The following CADPS variants were observed in gnomAD, a reference collection of about 807,000 sequenced individuals.
CADPS encodes the protein calcium-dependent secretion activator 1.
In CADPS, 57 loss-of-function variants were observed where a neutral mutation model predicts 167.3. The observed-to-expected ratio is 0.34, with a 90% confidence interval of 0.28 to 0.42. The LOEUF (loss-of-function observed/expected upper bound fraction) is 0.42. Ranked by LOEUF, CADPS falls within the 20% of genes least tolerant of loss-of-function variation. CADPS has a pLI of 1.00. For synonymous variants in CADPS, 676 were observed against 635.3 expected, an observed-to-expected ratio of 1.06 and a Z score of -0.96; for missense variants, 1,414 against 1,738.1, an observed-to-expected ratio of 0.81 and a Z score of 3.32.
chr3:62,789,860 A>T (rs1559630567), intron 1 of CADPS, among the ~76,000 whole-genome samples: 1 of 152,174 alleles, frequency 6.6e-6, no homozygotes, highest in Non-Finnish European at 1.5e-5. Flanking sequence ...CCAAGCCCTT[A>T]ACATAGTTTT....
intron 1 of CADPS, among the ~76,000 whole-genome samples, chr3:62,780,235 G>A (rs986450036): frequency 3.3e-5 from 5 of 151,982 alleles, no homozygotes; most frequent in Non-Finnish European, 7.4e-5. Flanking sequence ...GGGCAACATA[G>A]CAAGATCCCA....
intron 1 of CADPS, chr3:62,779,121 C>T (rs1293447160): frequency 5.7e-6 from 1 of 174,892 alleles, no homozygotes. Flanking sequence ...CTTCTGACCT[C>T]AGGTGATCCG....
intron 28 of CADPS, among the ~76,000 whole-genome samples, chr3:62,410,475 G>A (rs577359051): frequency 6.6e-6 from 1 of 152,196 alleles, no homozygotes; most frequent in African/African-American, 2.4e-5. Context: ...AAGTAAAGTG[G>A]TCTAGCAGCT....
intron 11 of CADPS, among the ~76,000 whole-genome samples, chr3:62,539,385 C>A (rs1442535295): frequency 6.6e-6 from 1 of 152,040 alleles, no homozygotes; most frequent in Non-Finnish European, 1.5e-5. Context: ...ATTTTACTTG[C>A]CCCAAATTAT....
intron 4 of CADPS, 115 bp from the exon 5 acceptor site, chr3:62,651,195 C>G (rs967661062): frequency 2.8e-6 from 2 of 711,418 alleles, no homozygotes; most frequent in African/African-American, 1.8e-5. Context: ...GTGAAATTCA[C>G]CCAGATCTCA....
rs376067545 is a variant in CADPS at position 62,703,274 on chromosome 3, A to G, written c.889-40880T>C. On this transcript the variant is annotated intron_variant, in intron 3 of 29. Coordinates refer to ENST00000383710, the MANE Select transcript of CADPS (RefSeq NM_003716.4). ...TTCACATCTCTAGCTGAACGACCCA[A>G]TGAATGAATAAATTCTGGGAACTCC... Among the ~76,000 whole-genome samples the G allele has an allele frequency of 4.6e-5, 7 of 152,154 alleles. No homozygotes were observed. In the East Asian group the frequency reaches 5.8e-4, roughly 13 times the overall value.
chr3:62,721,227 C>T (rs560904380), intron 3 of CADPS, among the ~76,000 whole-genome samples: 12 of 151,106 alleles, frequency 7.9e-5, no homozygotes, highest in East Asian at 3.9e-4. Flanking sequence ...CTCATCAGAG[C>T]GGCTGGGATC....
At chr3:62,727,160 G>T (rs181970215) in intron 3 of CADPS, among the ~76,000 whole-genome samples, 68 of 151,888 alleles carry the variant, frequency 4.5e-4, no homozygotes, top group Admixed American at 3.8e-3. Context: ...TTGAGTGCTA[G>T]CATACACCGA....
intron 26 of CADPS, among the ~76,000 whole-genome samples, chr3:62,457,878 C>G (rs528966265): frequency 3.9e-5 from 6 of 151,946 alleles, no homozygotes; most frequent in African/African-American, 7.3e-5. Context: ...GGGAGTTGAA[C>G]AATGAGAACA....
chr3:62,501,122 G>T (rs1247787988), intron 17 of CADPS, among the ~76,000 whole-genome samples: 1 of 152,198 alleles, frequency 6.6e-6, no homozygotes, highest in Non-Finnish European at 1.5e-5. Context: ...TGAAGGTGGG[G>T]CTGTGGGAAA....
intron 7 of CADPS, 53 bp downstream of exon 7, chr3:62,592,584 C>A: frequency 7.2e-7 from 1 of 1,394,842 alleles, no homozygotes; most frequent in East Asian, 2.3e-5. Flanking sequence ...CACTGGAGAC[C>A]TAGCTGGGGA....
intron 3 of CADPS, among the ~76,000 whole-genome samples, chr3:62,716,545 T>A (rs903274774): frequency 6.6e-6 from 1 of 152,294 alleles, no homozygotes; most frequent in Non-Finnish European, 1.5e-5. Context: ...TCAAAGCACT[T>A]TGCCCTTTTC....
chr3:62,472,083 G>A (rs900306560), intron 24 of CADPS, among the ~76,000 whole-genome samples: 4 of 151,762 alleles, frequency 2.6e-5, no homozygotes, highest in Non-Finnish European at 4.4e-5. Flanking sequence ...ACTGTGCTGA[G>A]TGAAAGAAGC....
At position 62,753,332 on chromosome 3, in the gene CADPS, A is replaced by T; in HGVS notation, c.888+109T>A. 1 of 791,324 alleles carries T rather than the reference A, an allele frequency of 1.3e-6. No individual in the cohort carries two copies. The highest frequency in any genetic ancestry group is 1.8e-5 in the South Asian group (1 of 54,694). The allele number at this position is 791,324 out of a possible 1,614,324, so 49.0% of individuals were successfully genotyped here. A position where few individuals can be genotyped will look rare whatever the true frequency, so the allele number is the denominator to read the frequency against. On this transcript the variant is annotated intron_variant, in intron 3 of 29. Transcript: ENST00000383710. This position sits in a 1 kb window ranked among gnomAD's most constrained non-coding sequence, Gnocchi z 4.6. ...TTCAACTTTTTACCAGTAGAGTAAT[A>T]AAATATAAGTTTTAATCCTTTTTTT...
intron 3 of CADPS, among the ~76,000 whole-genome samples, chr3:62,685,404 T>C (rs1395779574): frequency 6.6e-6 from 1 of 151,944 alleles, no homozygotes; most frequent in African/African-American, 2.4e-5. Flanking sequence ...AGTATAAACG[T>C]GCCATATAAA....
intron 1 of CADPS, among the ~76,000 whole-genome samples, chr3:62,861,585 A>T (rs2080812443): frequency 6.6e-6 from 1 of 152,206 alleles, no homozygotes; most frequent in African/African-American, 2.4e-5. Context: ...CTTTTCTCAC[A>T]GTGTGAAGAC....
intron 1 of CADPS, among the ~76,000 whole-genome samples, chr3:62,823,567 G>A (rs955849665): frequency 2.6e-5 from 4 of 152,168 alleles, no homozygotes; most frequent in African/African-American, 9.7e-5. Context: ...AGACTTCAAA[G>A]AGGGGGAAAG....
At chr3:62,490,383 C>CAA (rs1171466456) in intron 21 of CADPS, among the ~76,000 whole-genome samples, 2 of 152,180 alleles carry the variant, frequency 1.3e-5, no homozygotes, top group African/African-American at 4.8e-5. Flanking sequence ...TTCAAACCAT[C>CAA]AAACCATAAC....
At chr3:62,585,783 A>T (rs566375300) in intron 7 of CADPS, among the ~76,000 whole-genome samples, 14 of 152,236 alleles carry the variant, frequency 9.2e-5, no homozygotes, top group Non-Finnish European at 2.1e-4. Context: ...AATGGAAGGA[A>T]CCTTATTAGA....
Sources: allele counts gnomAD v4.1 joint callset (sites outside exome capture counted in the v4.1 genomes callset), GRCh38; gene constraint gnomAD v4.1.1; non-coding constraint Gnocchi (gnomAD v3.1); transcripts MANE v1.5; gene names NCBI Gene and HGNC (gene_info 2026-07-23, HGNC 2026-07-21).